The following PTPRM variants were observed in gnomAD, a reference collection of about 807,000 sequenced individuals.
PTPRM encodes protein tyrosine phosphatase receptor type M.
PTPRM carries 47 observed loss-of-function variants against 186.7 expected under a neutral mutation model. That is an observed-to-expected ratio of 0.25 (90% CI 0.20 to 0.32). The LOEUF (loss-of-function observed/expected upper bound fraction) is 0.32. PTPRM is among the 10% of genes least tolerant of loss of function. The probability of loss-of-function intolerance (pLI) is 1.00; values close to 1 mark genes in which losing one functional copy is unlikely to be tolerated. For synonymous variants in PTPRM, 668 were observed against 674.9 expected, an observed-to-expected ratio of 0.99 and a Z score of 0.16; for missense variants, 1,494 against 1,865.0, an observed-to-expected ratio of 0.80 and a Z score of 3.66.
rs190194825 is a variant in PTPRM, at chr18:8,245,098, G to A, written c.2452+889G>A. On this transcript the variant is annotated intron_variant, in intron 15 of 32. Transcript: ENST00000580170. ...ACAGAAATGGCATCTGGCGTGGGGC[G>A]ACTGGGAGCAGTTTGGACGGTGTGG... 3.9e-5 allele frequency among the ~76,000 whole-genome samples: 6 copies of A among 152,304 alleles called. No individual in the cohort carries two copies. In the South Asian group the frequency reaches 6.2e-4, roughly 16 times the overall value.
At chr18:7,987,342 G>A (rs1007978192) in intron 7 of PTPRM, among the ~76,000 whole-genome samples, 2 of 152,222 alleles carry the variant, frequency 1.3e-5, no homozygotes, top group Admixed American at 6.5e-5. Flanking sequence ...AGCTGGCTAA[G>A]CCACCAGTAA....
chr18:7,746,602 A>G (rs1162110210), intron 1 of PTPRM, among the ~76,000 whole-genome samples: 1 of 152,072 alleles, frequency 6.6e-6, no homozygotes, highest in East Asian at 1.9e-4. Flanking sequence ...AGTAGCTGGG[A>G]CTACAAGCGT....
chr18:8,050,138 T>C (rs115862461), intron 7 of PTPRM, among the ~76,000 whole-genome samples: 2,530 of 152,330 alleles, frequency 0.017, 67 homozygotes, highest in African/African-American at 0.058. Context: ...GTATGCATAT[T>C]GGATCAGTCT....
At chr18:7,819,315 A>C (rs1337539721) in intron 2 of PTPRM, among the ~76,000 whole-genome samples, 1 of 49,750 alleles carries the variant, frequency 2.0e-5, no homozygotes, top group Non-Finnish European at 5.7e-5. Flanking sequence ...AGACCCTAGC[A>C]GGTAGATACA....
intron 5 of PTPRM, among the ~76,000 whole-genome samples, chr18:7,936,804 C>T (rs1329625710): frequency 1.3e-5 from 2 of 152,174 alleles, no homozygotes; most frequent in Non-Finnish European, 2.9e-5. Flanking sequence ...CACACTTCCT[C>T]CCCTCTGAAG....
At chr18:8,240,810 GAGAGAGAGAGAGAGAGAAAGAA>G (rs1568585008) in intron 14 of PTPRM, among the ~76,000 whole-genome samples, 25 of 48,602 alleles carry the variant, frequency 5.1e-4, no homozygotes, top group African/African-American at 2.0e-3. Context: ...GAGAGAGAGA[GAGAGAGAGAGAGAGAGAAAGAA>G]AGAAAGAAAG....
chr18:7,904,693 T>C (rs996431053), intron 3 of PTPRM, among the ~76,000 whole-genome samples: 1 of 152,230 alleles, frequency 6.6e-6, no homozygotes, highest in Non-Finnish European at 1.5e-5. Flanking sequence ...TTCTGTTGTT[T>C]GGCTATTATG....
chr18:7,651,534 G>A (rs13313691), intron 1 of PTPRM, among the ~76,000 whole-genome samples: 11,420 of 151,978 alleles, frequency 0.075, 535 homozygotes, highest in African/African-American at 0.14. Flanking sequence ...AAACAGCATG[G>A]TACTGGTACC....
chr18:7,697,509 G>T (rs957152525), intron 1 of PTPRM, among the ~76,000 whole-genome samples: 1 of 152,142 alleles, frequency 6.6e-6, no homozygotes, highest in African/African-American at 2.4e-5. Flanking sequence ...GTCCAGTAGG[G>T]CGATGAAAGA....
chr18:7,579,699 A>G (rs1226423393), intron 1 of PTPRM, among the ~76,000 whole-genome samples: 2 of 152,204 alleles, frequency 1.3e-5, no homozygotes, highest in African/African-American at 4.8e-5. Context: ...TTAGATCTCT[A>G]AATTTGCCAA....
chr18:8,316,367 A>G (rs1426099147), intron 21 of PTPRM, among the ~76,000 whole-genome samples: 2 of 152,202 alleles, frequency 1.3e-5, no homozygotes, highest in Non-Finnish European at 2.9e-5. Context: ...GGCATCATAG[A>G]GGATGTAATT....
chr18:7,567,952 G>T lies in PTPRM; in HGVS notation c.73+61G>T, dbSNP rs1465969040. The T allele has an allele frequency of 2.5e-5, 37 of 1,469,480 alleles. No homozygotes were observed. The highest frequency in any genetic ancestry group is 2.6e-5 in the South Asian group (2 of 78,236). The allele number at this position is 1,469,480 out of a possible 1,614,324, so 91.0% of individuals were successfully genotyped here. A position where few individuals can be genotyped will look rare whatever the true frequency, so the allele number is the denominator to read the frequency against. ...CGGGCCGGCGCGGGACGCCCGGGACGCCGACAGCTCCCTGGTGGTAGAGCC... is the reference window on the plus strand; with the variant it reads ...CGGGCCGGCGCGGGACGCCCGGGACTCCGACAGCTCCCTGGTGGTAGAGCC... On this transcript the variant is annotated intron_variant, in intron 1 of 32. Transcript: ENST00000580170. The surrounding 1 kb of genome is among the most constrained non-coding windows in gnomAD (Gnocchi z 4.3).
intron 14 of PTPRM, among the ~76,000 whole-genome samples, chr18:8,179,477 C>CTT (rs1172800628): frequency 8.1e-6 from 1 of 123,886 alleles, no homozygotes; most frequent in East Asian, 2.3e-4. Flanking sequence ...TTTTTCTTTT[C>CTT]TTTTTTTTTT....
intron 3 of PTPRM, among the ~76,000 whole-genome samples, chr18:7,891,013 A>T (rs1281740105): frequency 4.6e-5 from 7 of 152,164 alleles, no homozygotes; most frequent in African/African-American, 1.7e-4. Flanking sequence ...ACAGCGGCTC[A>T]AGCCTGTAAT....
intron 2 of PTPRM, among the ~76,000 whole-genome samples, chr18:7,849,582 T>C (rs1164272779): frequency 1.3e-5 from 2 of 152,252 alleles, no homozygotes; most frequent in East Asian, 1.9e-4. Flanking sequence ...CATATGTCTT[T>C]CAGTTTAAAT....
chr18:8,186,325 CAA>C (rs5822996), intron 14 of PTPRM, among the ~76,000 whole-genome samples: 1,108 of 94,766 alleles, frequency 0.012, 12 homozygotes, highest in African/African-American at 0.036. Flanking sequence ...TACTCCATCT[CAA>C]AAAAAAAAAA....
intron 2 of PTPRM, among the ~76,000 whole-genome samples, chr18:7,817,475 C>G (rs564289776): frequency 1.8e-4 from 27 of 152,264 alleles, no homozygotes; most frequent in African/African-American, 5.3e-4. Context: ...TTGTACTACT[C>G]CTGCTCTTTT....
At chr18:7,586,632 T>G (rs1270081531) in intron 1 of PTPRM, among the ~76,000 whole-genome samples, 2 of 152,146 alleles carry the variant, frequency 1.3e-5, no homozygotes, top group South Asian at 2.1e-4. Flanking sequence ...TAAAAGCCTG[T>G]ATATTCAATA....
chr18:7,719,691 C>A (rs1469280632), intron 1 of PTPRM, among the ~76,000 whole-genome samples: 1 of 152,094 alleles, frequency 6.6e-6, no homozygotes, highest in Non-Finnish European at 1.5e-5. Context: ...AGTTTCCAAA[C>A]AAGGCAAGGA....
Sources: allele counts gnomAD v4.1 joint callset (sites outside exome capture counted in the v4.1 genomes callset), GRCh38; gene constraint gnomAD v4.1.1; non-coding constraint Gnocchi (gnomAD v3.1); transcripts MANE v1.5; gene names NCBI Gene and HGNC (gene_info 2026-07-23, HGNC 2026-07-21).